Variants in CNIH4 observed in about 807,000 individuals in gnomAD.
CNIH4 encodes the protein protein cornichon homolog 4.
CNIH4 carries 9 observed loss-of-function variants against 21.5 expected under a neutral mutation model. The observed-to-expected ratio is 0.42, with a 90% CI of 0.25 to 0.73. CNIH4 has a LOEUF of 0.73. CNIH4 is among the 30% of genes least tolerant of loss of function. The probability of loss-of-function intolerance (pLI) is 0.27; values close to 1 mark genes in which losing one functional copy is unlikely to be tolerated. For missense variants in CNIH4, 159 were observed against 170.0 expected (o/e 0.94, Z 0.36); for synonymous variants, 67 against 59.1 (o/e 1.13, Z -0.61).
At chr1:224,364,394 G>C in intron 2 of CNIH4, 2 of 984,408 alleles carry the variant, frequency 2.0e-6, no homozygotes, top group Non-Finnish European at 2.4e-6. Flanking sequence ...ATTTTATTGA[G>C]TGCCTACTTT....
At chr1:224,357,308 G>A in intron 1 of CNIH4, 1 of 276,578 alleles carries the variant, frequency 3.6e-6, no homozygotes, top group East Asian at 7.7e-5. Context: ...GCTCGTCCCC[G>A]CGGCGCCCGG....
chr1:224,360,081 C>G (rs773293014), intron 1 of CNIH4, among the ~76,000 whole-genome samples: 1 of 151,898 alleles, frequency 6.6e-6, no homozygotes, highest in South Asian at 2.1e-4. Context: ...GGTAGCAGTG[C>G]GTTGGAATTG....
At chr1:224,373,101 G>A (rs558137394) in intron 4 of CNIH4, among the ~76,000 whole-genome samples, 2 of 152,126 alleles carry the variant, frequency 1.3e-5, no homozygotes, top group African/African-American at 4.8e-5. Context: ...AAGCACACTG[G>A]TATCAGTTTC....
In CNIH4 at chr1:224,376,045, T is replaced by C. The variant is rs2102872103; in HGVS notation, c.*223T>C. ...CAACTTTAGCCTGAACGCCAACACT[T>C]GAAGGTGTTTTTCATCCTCTGTATG... is the stretch of plus-strand genomic sequence containing the variant. On this transcript the variant is annotated 3_prime_UTR_variant, in exon 5 of 5. Transcript: ENST00000465271. The C allele has an allele frequency of 8.0e-7, 1 of 1,246,680 alleles. No individual in the cohort carries two copies. The highest frequency in any genetic ancestry group is 1.5e-5 in the African/African-American group (1 of 65,314). 77.2% of individuals were successfully genotyped at this position (1,246,680 alleles called of 1,614,324 possible). A position where few individuals can be genotyped will look rare whatever the true frequency, so the allele number is the denominator to read the frequency against.
At chr1:224,369,513 T>C (rs1672561515) in intron 3 of CNIH4, among the ~76,000 whole-genome samples, 1 of 151,018 alleles carries the variant, frequency 6.6e-6, no homozygotes, top group South Asian at 2.1e-4. Context: ...GAGGAGGAGG[T>C]TGCGCTGAGC....
Position 224,375,495 on chromosome 1 carries a change from TG to T in CNIH4, c.393-299del, listed in dbSNP as rs151139047. On this transcript the variant is annotated intron_variant, in intron 4 of 4. Transcript: ENST00000465271. ...GACATAGGTGTTTTTTGTTTTGTTT[TG>T]TTTTTTTTTAACTGAGCTAGGTTGT... Among the ~76,000 whole-genome samples the T allele has an allele frequency of 2.8e-3, 419 of 152,254 alleles. 1 individual carries two copies. Among genetic ancestry groups the T allele is most frequent in the Non-Finnish European group, 4.8e-3 (326 of 68,006 alleles).
intron 3 of CNIH4, among the ~76,000 whole-genome samples, chr1:224,368,682 A>G (rs1035491201): frequency 2.0e-5 from 3 of 151,136 alleles, no homozygotes; most frequent in African/African-American, 7.3e-5. Flanking sequence ...TTCGAGATAG[A>G]GTCTCACTCT....
At chr1:224,369,588 A>C (rs1328581019) in intron 3 of CNIH4, among the ~76,000 whole-genome samples, 2 of 152,122 alleles carry the variant, frequency 1.3e-5, no homozygotes, top group Non-Finnish European at 2.9e-5. Context: ...AATAATAATA[A>C]TAATAAACTA....
At chr1:224,357,560 T>G (rs1672153561) in intron 1 of CNIH4, 1 of 152,274 alleles carries the variant, frequency 6.6e-6, no homozygotes, top group Non-Finnish European at 1.5e-5. Flanking sequence ...CATCCAGGAG[T>G]TGACTCATTC....
chr1:224,367,063 A>C (rs6681611), intron 3 of CNIH4, among the ~76,000 whole-genome samples: 13,511 of 152,212 alleles, frequency 0.089, 1,858 homozygotes, highest in African/African-American at 0.3. Flanking sequence ...GAAACCCTGA[A>C]GTATATAATT....
chr1:224,365,336 C>T lies in CNIH4; in HGVS notation c.139-543C>T, dbSNP rs143167914. ...GGAAGGGCATGGAGCTCTGTAAAGC[C>T]GATAGGCCAGGATTCTGGCATTCTG... On this transcript the variant is annotated intron_variant, in intron 2 of 4. Coordinates refer to ENST00000465271, the MANE Select transcript of CNIH4 (RefSeq NM_014184.4). Among the ~76,000 whole-genome samples, 72 of 152,272 alleles carry T rather than the reference C, an allele frequency of 4.7e-4. No homozygotes were observed. The East Asian group carries it at 0.012, about 26-fold the overall frequency.
chr1:224,379,041 C>T lies in CNIH4; in HGVS notation c.*3219C>T. ...GTGCATCTTAGTACGTATCATTTTCCCTTGCCTTTTTCCTTCTATCCTTTC... is the reference window on the plus strand; with the variant it reads ...GTGCATCTTAGTACGTATCATTTTCTCTTGCCTTTTTCCTTCTATCCTTTC... On this transcript the variant is annotated 3_prime_UTR_variant, in exon 5 of 5. Coordinates refer to ENST00000465271, the MANE Select transcript of CNIH4 (RefSeq NM_014184.4). 6.5e-7 allele frequency: 1 copy of T among 1,550,240 alleles called. No homozygotes were observed. Among genetic ancestry groups the T allele is most frequent in the Non-Finnish European group, 8.7e-7 (1 of 1,146,678 alleles).
At chr1:224,375,501 T>TTTTG (rs1672755296) in intron 4 of CNIH4, among the ~76,000 whole-genome samples, 3 of 152,100 alleles carry the variant, frequency 2.0e-5, no homozygotes, top group African/African-American at 7.3e-5. Flanking sequence ...GTTTTGTTTT[T>TTTTG]TTTTAACTGA....
intron 2 of CNIH4, among the ~76,000 whole-genome samples, chr1:224,361,392 A>T (rs1381302351): frequency 1.3e-5 from 2 of 152,012 alleles, no homozygotes; most frequent in African/African-American, 4.8e-5. Flanking sequence ...TGTTAGGATT[A>T]TAGGTGTGAG....
intron 2 of CNIH4, 107 bp from the exon 3 acceptor site, chr1:224,365,772 A>T: frequency 1.3e-6 from 1 of 774,386 alleles, no homozygotes; most frequent in Non-Finnish European, 2.3e-6. Context: ...TAATCTTGAA[A>T]CAGTAGCTTG....
At chr1:224,368,750 G>A (rs991379529) in intron 3 of CNIH4, among the ~76,000 whole-genome samples, 2 of 151,752 alleles carry the variant, frequency 1.3e-5, no homozygotes, top group African/African-American at 2.4e-5. Context: ...TCGACCTCCT[G>A]GGCTCAAGCG....
chr1:224,362,955 A>G (rs1672342446), intron 2 of CNIH4, among the ~76,000 whole-genome samples: 2 of 150,912 alleles, frequency 1.3e-5, no homozygotes, highest in Non-Finnish European at 1.5e-5. Flanking sequence ...TGATCTGCCA[A>G]TTTTTCCTTT....
intron 4 of CNIH4, among the ~76,000 whole-genome samples, chr1:224,373,316 C>G (rs1304160662): frequency 6.6e-6 from 1 of 152,160 alleles, no homozygotes. Flanking sequence ...ATTGGCTTAG[C>G]TAAGGTTATC....
chr1:224,372,666 T>A (rs937864843), intron 4 of CNIH4, among the ~76,000 whole-genome samples: 4 of 151,678 alleles, frequency 2.6e-5, no homozygotes, highest in African/African-American at 9.7e-5. Flanking sequence ...CACTGCAACC[T>A]CCACCTCCCA....
Sources: gnomAD v4.1 joint callset for allele counts (sites outside exome capture counted in the v4.1 genomes callset) on GRCh38, gnomAD v4.1.1 for gene constraint, MANE v1.5 for transcripts, NCBI Gene and HGNC (gene_info 2026-07-23, HGNC 2026-07-21) for gene names.